Variants in HCRTR2 observed in about 807,000 individuals in gnomAD.
HCRTR2 encodes orexin receptor type 2.
HCRTR2 carries 22 observed loss-of-function variants against 49.0 expected under a neutral mutation model. The ratio of observed to expected loss-of-function variants is 0.45; its 90% CI spans 0.32 to 0.64. The LOEUF is 0.64. Ranked by LOEUF, HCRTR2 falls within the 30% of genes least tolerant of loss-of-function variation. The pLI, the probability that HCRTR2 is intolerant of heterozygous loss-of-function variation, is 0.04. For synonymous variants in HCRTR2, 236 were observed against 205.3 expected (o/e 1.15, Z -1.28); for missense variants, 491 against 559.4 (o/e 0.88, Z 1.23).
intron 1 of HCRTR2, among the ~76,000 whole-genome samples, chr6:55,247,375 G>C (rs1248550297): frequency 6.6e-6 from 1 of 152,094 alleles, no homozygotes; most frequent in Admixed American, 6.6e-5. Flanking sequence ...TTCAGCTTCA[G>C]GAACTAGTAA....
chr6:55,266,241 T>G (rs577706843), intron 4 of HCRTR2, among the ~76,000 whole-genome samples: 1 of 152,180 alleles, frequency 6.6e-6, no homozygotes. Flanking sequence ...AAAATGCACA[T>G]TGAAATACCA....
intron 1 of HCRTR2, among the ~76,000 whole-genome samples, chr6:55,189,032 A>G (rs1345318596): frequency 2.6e-5 from 4 of 152,232 alleles, no homozygotes; most frequent in Non-Finnish European, 4.4e-5. Context: ...GGGAATTCCA[A>G]TAATACACAA....
intron 1 of HCRTR2, among the ~76,000 whole-genome samples, chr6:55,236,216 A>AT (rs1262809067): frequency 1.1e-4 from 16 of 151,722 alleles, no homozygotes; most frequent in African/African-American, 3.6e-4. Context: ...GTTTCTCATT[A>AT]TTTTTTTCCT....
intron 1 of HCRTR2, among the ~76,000 whole-genome samples, chr6:55,123,790 G>A (rs374830579): frequency 6.6e-6 from 1 of 152,090 alleles, no homozygotes; most frequent in Non-Finnish European, 1.5e-5. Context: ...ATTAATTACT[G>A]CCTCTATTTC....
At chr6:55,118,550 G>A (rs998385264) in intron 1 of HCRTR2, among the ~76,000 whole-genome samples, 6 of 151,504 alleles carry the variant, frequency 4.0e-5, no homozygotes, top group African/African-American at 4.8e-5. Flanking sequence ...CTCCACAACC[G>A]TGCCAGCATC....
intron 1 of HCRTR2, among the ~76,000 whole-genome samples, chr6:55,222,601 T>C (rs372048664): frequency 6.6e-5 from 10 of 152,262 alleles, no homozygotes; most frequent in African/African-American, 2.4e-4. Flanking sequence ...TTATTCAGCA[T>C]TACAAAAGAA....
chr6:55,270,047 A>G (rs1335180966), intron 4 of HCRTR2, among the ~76,000 whole-genome samples: 2 of 152,240 alleles, frequency 1.3e-5, no homozygotes, highest in Non-Finnish European at 2.9e-5. Context: ...TGCAGCAGTT[A>G]TAATTCCCTA....
At chr6:55,141,906 C>T (rs1292910682) in intron 1 of HCRTR2, among the ~76,000 whole-genome samples, 3 of 152,016 alleles carry the variant, frequency 2.0e-5, no homozygotes, top group Non-Finnish European at 2.9e-5. Flanking sequence ...AAAATACATG[C>T]AAGAATTATT....
chr6:55,116,459 A>G lies in HCRTR2; in HGVS notation c.-378+9914A>G, dbSNP rs1401270999. ...TACTTCTAGGGGGAGATAGAAAAAG[A>G]GAGAGTTGGAAGAGGAAGAGGGAAA... is the stretch of plus-strand genomic sequence containing the variant. On this transcript the variant is annotated intron_variant, in intron 1 of 7. Coordinates refer to the HCRTR2 transcript ENST00000615358. 1.7e-4 allele frequency among the ~76,000 whole-genome samples: 24 copies of G among 144,106 alleles called. No homozygotes were observed. In the Admixed American group the frequency reaches 1.7e-3, roughly 10 times the overall value. The allele number at this position is 144,106 out of a possible 152,430, so 94.5% of individuals were successfully genotyped here.
intron 1 of HCRTR2, among the ~76,000 whole-genome samples, chr6:55,163,555 C>A (rs13201560): frequency 1.3e-5 from 2 of 152,000 alleles, no homozygotes; most frequent in Non-Finnish European, 2.9e-5. Flanking sequence ...AATGTTGTTG[C>A]GAAAACTGGC....
intron 1 of HCRTR2, among the ~76,000 whole-genome samples, chr6:55,108,281 C>T (rs1764001882): frequency 6.6e-6 from 1 of 151,996 alleles, no homozygotes; most frequent in South Asian, 2.1e-4. Flanking sequence ...CTCGGATGGA[C>T]AGAACAGTGG....
chr6:55,280,878 T>G (rs529528878), intron 6 of HCRTR2, among the ~76,000 whole-genome samples: 18 of 152,300 alleles, frequency 1.2e-4, no homozygotes, highest in African/African-American at 4.3e-4. Flanking sequence ...CTTGTGAGTA[T>G]CATCTCTTGG....
intron 1 of HCRTR2, among the ~76,000 whole-genome samples, chr6:55,204,929 G>C (rs1412095466): frequency 6.6e-6 from 1 of 152,010 alleles, no homozygotes; most frequent in Non-Finnish European, 1.5e-5. Flanking sequence ...GGGACTACAG[G>C]ATTGCACTAA....
chr6:55,254,102 G>C (rs1766604461), intron 2 of HCRTR2, among the ~76,000 whole-genome samples: 1 of 152,094 alleles, frequency 6.6e-6, no homozygotes, highest in African/African-American at 2.4e-5. Flanking sequence ...TGGGGACACA[G>C]TTGTGAAAAA....
At chr6:55,124,055 T>C (rs1323357349) in intron 1 of HCRTR2, among the ~76,000 whole-genome samples, 1 of 152,178 alleles carries the variant, frequency 6.6e-6, no homozygotes, top group Non-Finnish European at 1.5e-5. Flanking sequence ...TGTTAATCTT[T>C]TCAAAAACAG....
chr6:55,151,687 C>T (rs1006934302), intron 1 of HCRTR2, among the ~76,000 whole-genome samples: 5 of 151,888 alleles, frequency 3.3e-5, no homozygotes, highest in Non-Finnish European at 7.4e-5. Context: ...TTCTTAATGG[C>T]ACCTAGAATG....
At chr6:55,266,895 A>G in intron 4 of HCRTR2, among the ~76,000 whole-genome samples, 1 of 152,196 alleles carries the variant, frequency 6.6e-6, no homozygotes, top group East Asian at 1.9e-4. Context: ...ATAAATTTTA[A>G]AATAAATTGC....
At chr6:55,254,230 A>T (rs1766606772) in intron 2 of HCRTR2, among the ~76,000 whole-genome samples, 1 of 132,870 alleles carries the variant, frequency 7.5e-6, no homozygotes, top group Non-Finnish European at 1.6e-5. Flanking sequence ...AATAAATAAC[A>T]ATCTGTAAAA....
intron 1 of HCRTR2, among the ~76,000 whole-genome samples, chr6:55,197,251 T>C (rs1420674209): frequency 1.3e-5 from 2 of 152,016 alleles, no homozygotes; most frequent in Non-Finnish European, 1.5e-5. Context: ...ATCCTAACCA[T>C]AACCTCAAAT....
Sources: gnomAD v4.1 joint callset for allele counts (sites outside exome capture counted in the v4.1 genomes callset) on GRCh38, gnomAD v4.1.1 for gene constraint, MANE v1.5 for transcripts, NCBI Gene and HGNC (gene_info 2026-07-23, HGNC 2026-07-21) for gene names.